PDXDC1: variants seen among roughly 807,000 people sequenced by gnomAD.
PDXDC1 encodes the protein pyridoxal dependent decarboxylase domain containing 1, also known as pyridoxal-dependent decarboxylase domain-containing protein 1.
In PDXDC1, 42 loss-of-function variants were observed where a neutral mutation model predicts 100.1. The observed-to-expected ratio is 0.42, with a 90% CI of 0.33 to 0.54. The LOEUF is 0.54. PDXDC1 is among the 20% of genes least tolerant of loss of function. PDXDC1 has a pLI of 0.10. For synonymous variants in PDXDC1, 260 were observed against 371.7 expected (o/e 0.70, Z 3.46); for missense variants, 636 against 979.2 (o/e 0.65, Z 4.68).
At chr16:15,090,395 G>A (rs979468171) in intron 16 of PDXDC1, among the ~76,000 whole-genome samples, 7 of 152,178 alleles carry the variant, frequency 4.6e-5, no homozygotes, top group South Asian at 2.1e-4. Context: ...TGTTCTAAGT[G>A]CTTCTTGCAT....
At chr16:15,117,706 A>G (rs1225993950) in intron 16 of PDXDC1, among the ~76,000 whole-genome samples, 1 of 98,404 alleles carries the variant, frequency 1.0e-5, no homozygotes, top group Non-Finnish European at 2.0e-5. Flanking sequence ...GTGAGAAAAG[A>G]AAAAAAAAAA....
At chr16:15,079,211 C>T (rs1399887931) in intron 16 of PDXDC1, among the ~76,000 whole-genome samples, 4 of 152,178 alleles carry the variant, frequency 2.6e-5, no homozygotes, top group Non-Finnish European at 5.9e-5. Flanking sequence ...GCCTCCCCTC[C>T]TCCAAACCAG....
At chr16:15,038,623 A>G, downstream of PDXDC1, 1 of 1,610,402 alleles carries the variant, frequency 6.2e-7, no homozygotes, top group Non-Finnish European at 8.5e-7. Context: ...CACATGTGGA[A>G]ATGGTGTCCA....
At position 15,037,896 on chromosome 16, in the gene PDXDC1, A is replaced by AAAGT; in HGVS notation, c.*1622_*1625dup. The AAAGT allele has an allele frequency of 3.4e-6, 2 of 585,852 alleles. No homozygotes were observed. The highest frequency in any genetic ancestry group is 6.1e-6 in the Non-Finnish European group (2 of 329,610). 36.3% of individuals were successfully genotyped at this position (585,852 alleles called of 1,614,324 possible). The stretch of plus-strand genomic sequence containing the variant: ...GTTTTATTTTGAAAGTCATTTGATG[A>AAAGT]AAGTCATTTGAAAGACACTGAGGAG... On this transcript the variant is annotated 3_prime_UTR_variant, in exon 23 of 23. Transcript: ENST00000396410.
At chr16:15,063,639 A>G (rs1397635328) in intron 16 of PDXDC1, among the ~76,000 whole-genome samples, 1 of 144,080 alleles carries the variant, frequency 6.9e-6, no homozygotes, top group African/African-American at 2.5e-5. Flanking sequence ...TGGGAGACGG[A>G]GCTTGCAGCG....
At chr16:15,049,900 T>C (rs2044231117) in intron 16 of PDXDC1, among the ~76,000 whole-genome samples, 2 of 152,220 alleles carry the variant, frequency 1.3e-5, no homozygotes, top group African/African-American at 4.8e-5. Flanking sequence ...AAAAATGTTT[T>C]AAAGAGCTAT....
At chr16:15,076,740 G>A in intron 16 of PDXDC1, 2 of 875,140 alleles carry the variant, frequency 2.3e-6, no homozygotes, top group Admixed American at 4.0e-5. Context: ...ATATACGCAT[G>A]TTCAAGGTGT....
At chr16:15,040,888 G>A (rs1165308877), downstream of PDXDC1, among the ~76,000 whole-genome samples, 1 of 152,134 alleles carries the variant, frequency 6.6e-6, no homozygotes, top group Non-Finnish European at 1.5e-5. Flanking sequence ...CAGTTTTATA[G>A]GTAAAGCTTA....
chr16:15,089,089 G>T (rs1324051454), intron 16 of PDXDC1, among the ~76,000 whole-genome samples: 4 of 151,890 alleles, frequency 2.6e-5, no homozygotes, highest in African/African-American at 9.7e-5. Context: ...GATCACTTGA[G>T]GTCAGGAGTT....
At chr16:14,982,224 C>G (rs540357365) in intron 1 of PDXDC1, among the ~76,000 whole-genome samples, 1 of 152,306 alleles carries the variant, frequency 6.6e-6, no homozygotes. Flanking sequence ...TCTTAATGAG[C>G]CAGTAATTAC....
intron 16 of PDXDC1, chr16:15,079,925 T>G (rs1197035409): frequency 7.0e-7 from 1 of 1,426,350 alleles, no homozygotes; most frequent in East Asian, 2.5e-5. Context: ...CACTGACTAT[T>G]GTTTCCACAT....
At position 15,008,966 on chromosome 16, in the gene PDXDC1, T is replaced by A. The variant is rs1235391527; in HGVS notation, c.648+119T>A. 11 of 1,014,416 alleles carry A rather than the reference T, an allele frequency of 1.1e-5. No homozygotes were observed. In the East Asian group the frequency reaches 2.7e-4, roughly 25 times the overall value. The allele number at this position is 1,014,416 out of a possible 1,614,324, so 62.8% of individuals were successfully genotyped here. ...GTAACTTACTCATGTATTGCTTGGA[T>A]CCTTACATTGTGTAATATATGCTTC... is the stretch of plus-strand genomic sequence containing the variant. On this transcript the variant is annotated intron_variant, in intron 7 of 22. Transcript: ENST00000396410.
At position 15,131,260 on chromosome 16, in the gene PDXDC1, C is replaced by T. The variant is rs201300667; in HGVS notation, c.1400-7619C>T. On this transcript the variant is annotated intron_variant, in intron 16 of 16. Coordinates refer to the PDXDC1 transcript ENST00000535621. ...GTTGGGCACCTTCACGGTGATGGCG[C>T]GCTCTGAGGCCAGCCGCTCGATGGG... The T allele has an allele frequency of 2.7e-4, 431 of 1,588,776 alleles. 1 individual carries two copies. Among genetic ancestry groups the T allele is most frequent in the Non-Finnish European group, 3.3e-4 (389 of 1,171,810 alleles).
At chr16:15,048,005 G>A (rs1336791291) in intron 16 of PDXDC1, 1 of 1,610,174 alleles carries the variant, frequency 6.2e-7, no homozygotes, top group African/African-American at 1.3e-5. Flanking sequence ...ACCATCCTTT[G>A]GGGAGGTCAC....
At chr16:15,068,842 A>C (rs187297047) in intron 16 of PDXDC1, among the ~76,000 whole-genome samples, 290 of 152,340 alleles carry the variant, frequency 1.9e-3, no homozygotes, top group African/African-American at 5.0e-3. Context: ...CATGAGTAAA[A>C]TAAAGACATC....
intron 16 of PDXDC1, among the ~76,000 whole-genome samples, chr16:15,096,661 C>T (rs1187339736): frequency 6.6e-6 from 1 of 152,238 alleles, no homozygotes; most frequent in African/African-American, 2.4e-5. Flanking sequence ...AATAGCAAAA[C>T]AGCAATCTGA....
intron 14 of PDXDC1, 108 bp downstream of exon 14, chr16:15,026,814 CA>C (rs2042638691): frequency 8.6e-7 from 1 of 1,159,384 alleles, no homozygotes; most frequent in Admixed American, 2.0e-5. Flanking sequence ...TGACAATCTT[CA>C]GTCAGCATTT....
intron 16 of PDXDC1, among the ~76,000 whole-genome samples, 182 bp from the exon 17 acceptor site, chr16:15,031,553 T>C (rs565421647): frequency 3.0e-4 from 45 of 152,332 alleles, no homozygotes; most frequent in African/African-American, 1.1e-3. Context: ...GCCAGCTGTG[T>C]CTGTTTCTAA....
downstream of PDXDC1, among the ~76,000 whole-genome samples, chr16:15,042,030 CAAA>C (rs964892451): frequency 5.3e-5 from 8 of 152,096 alleles, no homozygotes; most frequent in African/African-American, 1.7e-4. Context: ...ATTACAAAAA[CAAA>C]AATCTGGCCA....
Sources: gnomAD v4.1 joint callset for allele counts (sites outside exome capture counted in the v4.1 genomes callset) on GRCh38, gnomAD v4.1.1 for gene constraint, MANE v1.5 for transcripts, NCBI Gene and HGNC (gene_info 2026-07-23, HGNC 2026-07-21) for gene names.